PTPRB: variants seen among roughly 807,000 people sequenced by gnomAD.
PTPRB encodes receptor-type tyrosine-protein phosphatase beta.
Under a neutral mutation model 238.1 loss-of-function variants are expected in PTPRB, and 97 were observed. The observed-to-expected ratio is 0.41, with a 90% CI of 0.35 to 0.48. The LOEUF (loss-of-function observed/expected upper bound fraction) is 0.48, where lower values mean the gene tolerates loss of function less well. Ranked by LOEUF, PTPRB falls within the 20% of genes least tolerant of loss-of-function variation. The probability of loss-of-function intolerance (pLI) is 0.30; values close to 1 mark genes in which losing one functional copy is unlikely to be tolerated. For missense variants in PTPRB, 2,292 were observed against 2,681.9 expected, an observed-to-expected ratio of 0.85 and a Z score of 3.21; for synonymous variants, 970 against 995.4, an observed-to-expected ratio of 0.97 and a Z score of 0.48.
In PTPRB at chr12:70,572,044, C is replaced by T. The variant is rs1282856643; in HGVS notation, c.2886G>A (p.Arg962=). The stretch of plus-strand genomic sequence containing the variant: ...CCCAGGATACCCTTAAATAGTCACT[C>T]CTGGCTGAGTTGCTAACACTGACTC... ...VQGVSVSNSA[R]SDYLRVSWVH... Residue 962 remains arginine (R), a synonymous_variant, in exon 12 of 34, where the codon AGG becomes AGA. Transcript: ENST00000334414. 1 of 1,613,664 alleles carries T rather than the reference C, an allele frequency of 6.2e-7. No individual in the cohort carries two copies.
intron 4 of PTPRB, among the ~76,000 whole-genome samples, chr12:70,605,111 TG>T (rs2136523249): frequency 6.6e-6 from 1 of 152,354 alleles, no homozygotes; most frequent in Non-Finnish European, 1.5e-5. Context: ...TGAGAGGTTT[TG>T]TTTTTTATTT....
intron 17 of PTPRB, among the ~76,000 whole-genome samples, chr12:70,559,986 A>G (rs1878270482): frequency 6.6e-6 from 1 of 151,772 alleles, no homozygotes; most frequent in Admixed American, 6.6e-5. Flanking sequence ...ACAGGTGCCC[A>G]CCACTACACC....
At chr12:70,524,869 ATATG>A (rs1220879985) in intron 32 of PTPRB, among the ~76,000 whole-genome samples, 6 of 147,454 alleles carry the variant, frequency 4.1e-5, no homozygotes, top group Non-Finnish European at 6.0e-5. Flanking sequence ...ATGTGTGTAT[ATATG>A]TGTGTATATA....
At position 70,516,969 on chromosome 12, in the gene PTPRB, C is replaced by G. The variant is rs1255444786; in HGVS notation, c.*4520G>C. 1 of 152,192 alleles carries G rather than the reference C, an allele frequency of 6.6e-6. No homozygotes were observed. Among genetic ancestry groups the G allele is most frequent in the Non-Finnish European group, 1.5e-5 (1 of 68,036 alleles). 9.4% of individuals were successfully genotyped at this position (152,192 alleles called of 1,614,324 possible). ...CATTTATTCCGAGGGAGCCTCCCTA[C>G]AAGTCAAGAGTATTCTCTTAGCCAG... On this transcript the variant is annotated 3_prime_UTR_variant, in exon 34 of 34. Coordinates refer to ENST00000334414, the MANE Select transcript of PTPRB (RefSeq NM_001109754.4).
In PTPRB at chr12:70,536,284, T is replaced by TAACA. The variant is rs1163991702; in HGVS notation, c.5947-129_5947-126dup. The TAACA allele has an allele frequency of 2.0e-5, 22 of 1,078,768 alleles. No homozygotes were observed. The East Asian group carries it at 4.4e-4, about 22-fold the overall frequency. The allele number at this position is 1,078,768 out of a possible 1,614,324, so 66.8% of individuals were successfully genotyped here. On this transcript the variant is annotated intron_variant, in intron 28 of 33. Coordinates refer to ENST00000334414, the MANE Select transcript of PTPRB (RefSeq NM_001109754.4). ...AGTCTCTGACTTCAGAAAAAGATAC[T>TAACA]AACACAAGTGTCAATGCTTGGGAGC...
Position 70,524,463 on chromosome 12 carries a change from G to A in PTPRB, c.6625+8C>T, listed in dbSNP as rs375582422. The A allele has an allele frequency of 1.5e-5, 24 of 1,596,138 alleles. No homozygotes were observed. Among genetic ancestry groups the A allele is most frequent in the Non-Finnish European group, 2.0e-5 (24 of 1,170,854 alleles). On this transcript the variant is annotated splice_region_variant and intron_variant, in intron 33 of 33. Coordinates refer to ENST00000334414, the MANE Select transcript of PTPRB (RefSeq NM_001109754.4). ...AAACTTGGGGAAGTAAGTGAAGTAAGTGCCCACCTCTGTGATACTCTGGAT... is the reference window on the plus strand; with the variant it reads ...AAACTTGGGGAAGTAAGTGAAGTAAATGCCCACCTCTGTGATACTCTGGAT...
intron 4 of PTPRB, among the ~76,000 whole-genome samples, chr12:70,599,526 A>G (rs1473943156): frequency 2.0e-5 from 3 of 152,246 alleles, no homozygotes; most frequent in African/African-American, 2.4e-5. Flanking sequence ...CTTGATTAAT[A>G]TATCAATATT....
intron 9 of PTPRB, among the ~76,000 whole-genome samples, chr12:70,582,385 A>T (rs80351428): frequency 0.01 from 1,587 of 152,338 alleles, 21 homozygotes; most frequent in African/African-American, 0.035. Context: ...TTTGAAAAAG[A>T]TGAATAAAGT....
intron 4 of PTPRB, among the ~76,000 whole-genome samples, chr12:70,601,952 G>A (rs1883540784): frequency 7.1e-6 from 1 of 140,478 alleles, no homozygotes; most frequent in Non-Finnish European, 1.5e-5. Context: ...CACCACGCCC[G>A]GCTAAGTTTT....
At position 70,555,740 on chromosome 12, in the gene PTPRB, C is replaced by T; in HGVS notation, c.4993+130G>A. The T allele has an allele frequency of 2.5e-6, 3 of 1,194,188 alleles. No individual in the cohort carries two copies. In the South Asian group the frequency reaches 4.9e-5, roughly 19 times the overall value. The allele number at this position is 1,194,188 out of a possible 1,614,324, so 74.0% of individuals were successfully genotyped here. Reference sequence around the variant, plus strand: ...CTTTTAGGTCCTCCTCTCCAGGTGGCAATCAGACAGGCTTATGCAAAAGTG... The same window carrying T: ...CTTTTAGGTCCTCCTCTCCAGGTGGTAATCAGACAGGCTTATGCAAAAGTG... On this transcript the variant is annotated intron_variant, in intron 19 of 33. Transcript: ENST00000334414.
chr12:70,609,612 A>G (rs1163700699), intron 3 of PTPRB: 1 of 898,564 alleles, frequency 1.1e-6, no homozygotes, highest in Non-Finnish European at 1.7e-6. Flanking sequence ...TGGGGGGCTC[A>G]CCAGAGGATC....
At chr12:70,559,654 T>A in intron 17 of PTPRB, 30 bp from the exon 18 acceptor site, 1 of 1,550,406 alleles carries the variant, frequency 6.4e-7, no homozygotes, top group Non-Finnish European at 8.9e-7. Flanking sequence ...AAAAATCACA[T>A]AATCACAGCT....
chr12:70,637,426 TG>T lies in PTPRB; in HGVS notation c.-32del. 1.9e-6 allele frequency: 3 copies of T among 1,583,686 alleles called. No individual in the cohort carries two copies. Among genetic ancestry groups the T allele is most frequent in the Non-Finnish European group, 1.7e-6 (2 of 1,162,698 alleles). The stretch of plus-strand genomic sequence containing the variant: ...ACTTAGCAACTGTTCATGCTTCGCT[TG>T]GGGAAAAAAAAAATTCTCCCAGATA... On this transcript the variant is annotated 5_prime_UTR_variant, in exon 1 of 34. Transcript: ENST00000334414.
chr12:70,568,662 T>A (rs1370331318), intron 14 of PTPRB, among the ~76,000 whole-genome samples: 1 of 152,114 alleles, frequency 6.6e-6, no homozygotes. Context: ...GATATAAATA[T>A]AGATATGAAA....
At chr12:70,530,503 TATAC>T (rs1265780754) in intron 32 of PTPRB, among the ~76,000 whole-genome samples, 2 of 151,694 alleles carry the variant, frequency 1.3e-5, no homozygotes, top group South Asian at 2.1e-4. Flanking sequence ...CACATACATA[TATAC>T]ATACACACGT....
At chr12:70,555,762 A>T (rs1592462507) in intron 19 of PTPRB, 108 bp downstream of exon 19, 1 of 1,368,250 alleles carries the variant, frequency 7.3e-7, no homozygotes, top group East Asian at 2.5e-5. Flanking sequence ...CTTATGCAAA[A>T]GTGAAGTGTA....
At chr12:70,558,597 C>T (rs753349843) in intron 18 of PTPRB, among the ~76,000 whole-genome samples, 9 of 152,116 alleles carry the variant, frequency 5.9e-5, no homozygotes, top group Non-Finnish European at 8.8e-5. Context: ...TATGCTTCGT[C>T]GTCGAAGTAT....
rs751573602 is a variant in PTPRB, at chr12:70,556,101, C to A, written c.4762G>T (p.Ala1588Ser). ...NLHCRPQNST[A>S]IACSWIPPDS... is the part of the protein sequence containing the mutation. Reference sequence around the variant, plus strand: ...GGAGGGATCCAAGAACAGGCAATGGCCGTGGAGTTCTGAGGCCGGCAATGC... The same window carrying A: ...GGAGGGATCCAAGAACAGGCAATGGACGTGGAGTTCTGAGGCCGGCAATGC... Residue 1588 changes from alanine to serine, a missense_variant, in exon 19 of 34, where the codon GCC (alanine) becomes TCC (serine). By Grantham distance (99) the Ala-to-Ser change is moderately conservative. Transcript: ENST00000334414. 9 of 1,613,646 alleles carry A rather than the reference C, an allele frequency of 5.6e-6. No homozygotes were observed. The highest frequency in any genetic ancestry group is 1.7e-5 in the Admixed American group (1 of 59,976).
chr12:70,556,643 C>A lies in PTPRB; in HGVS notation c.4715-495G>T, dbSNP rs148093185. 2.0e-5 allele frequency among the ~76,000 whole-genome samples: 3 copies of A among 152,126 alleles called. No homozygotes were observed. The South Asian group carries it at 6.2e-4, about 32-fold the overall frequency. ...TTTCCCACAAATAAATGTTAGACAC[C>A]AACCACAGATCCAGGAAGCTCAGAA... is the stretch of plus-strand genomic sequence containing the variant. On this transcript the variant is annotated intron_variant, in intron 18 of 33. Coordinates refer to ENST00000334414, the MANE Select transcript of PTPRB (RefSeq NM_001109754.4).
Sources: allele counts gnomAD v4.1 joint callset (sites outside exome capture counted in the v4.1 genomes callset), GRCh38; gene constraint gnomAD v4.1.1; transcripts MANE v1.5; gene names NCBI Gene and HGNC (gene_info 2026-07-23, HGNC 2026-07-21).